The following TSPAN14 variants were observed in gnomAD, a reference collection of about 807,000 sequenced individuals.
TSPAN14 encodes tetraspanin-14.
A neutral mutation model predicts 36.6 loss-of-function variants in TSPAN14; 16 were observed. The ratio of observed to expected loss-of-function variants is 0.44; its 90% CI spans 0.30 to 0.66. The LOEUF is 0.66. TSPAN14 is among the 30% of genes least tolerant of loss of function. The probability of loss-of-function intolerance (pLI) is 0.12; values close to 1 mark genes in which losing one functional copy is unlikely to be tolerated. For synonymous variants in TSPAN14, 139 were observed against 143.8 expected (o/e 0.97, Z 0.24); for missense variants, 231 against 355.1 (o/e 0.65, Z 2.81).
intron 5 of TSPAN14, among the ~76,000 whole-genome samples, chr10:80,511,354 G>A (rs1023484988): frequency 6.6e-6 from 1 of 152,182 alleles, no homozygotes; most frequent in African/African-American, 2.4e-5. Context: ...GTAAAGGGGT[G>A]AAAAGGGGAA....
At chr10:80,521,039 C>T in exon 9 of TSPAN14, 1 of 327,558 alleles carries the variant, frequency 3.1e-6, no homozygotes, top group South Asian at 2.5e-5. Context: ...CTGGGTTTCC[C>T]CATGAATAAC....
chr10:80,519,321 GCT>G (rs751020754), exon 9 of TSPAN14: 6 of 152,700 alleles, frequency 3.9e-5, no homozygotes, highest in Admixed American at 2.6e-4. Context: ...TTCTGGGGCT[GCT>G]CTTGGAAATG....
At chr10:80,488,121 C>T (rs1304201996) in intron 1 of TSPAN14, among the ~76,000 whole-genome samples, 1 of 152,158 alleles carries the variant, frequency 6.6e-6, no homozygotes, top group Non-Finnish European at 1.5e-5. Context: ...TTACTCTCCT[C>T]ACCTGGGAAG....
chr10:80,508,319 C>T (rs897307749), intron 4 of TSPAN14, among the ~76,000 whole-genome samples: 29 of 152,054 alleles, frequency 1.9e-4, no homozygotes, highest in African/African-American at 6.5e-4. Flanking sequence ...GGGGTTTCAC[C>T]GTGTTAGCCA....
chr10:80,480,673 C>T lies in TSPAN14; in HGVS notation c.-17-8544C>T, dbSNP rs185753398. On this transcript the variant is annotated intron_variant, in intron 1 of 8. Coordinates refer to ENST00000429989, the Ensembl canonical transcript of TSPAN14. ...GAAATCATCATTCTCAGTAAACTGT[C>T]GCAAGAACAAAAAACCAAACACCGT... Among the ~76,000 whole-genome samples, 820 of 152,056 alleles carry T rather than the reference C, an allele frequency of 5.4e-3. 9 individuals are homozygous for T. The highest frequency in any genetic ancestry group is 0.019 in the African/African-American group (770 of 41,444).
chr10:80,520,779 A>G (rs761131709), exon 9 of TSPAN14: 1 of 533,454 alleles, frequency 1.9e-6, no homozygotes, highest in South Asian at 1.4e-5. Flanking sequence ...ACGTAGCTGA[A>G]AGCTGCTTAT....
At position 80,516,200 on chromosome 10, in the gene TSPAN14, G is replaced by A. The variant is rs1840929732; in HGVS notation, c.622-4G>A. On this transcript the variant is annotated splice_region_variant and splice_polypyrimidine_tract_variant and intron_variant, in intron 7 of 8. Coordinates refer to ENST00000429989, the Ensembl canonical transcript of TSPAN14. ...GCTCAGACCCCTGTGGTGTTTTCCT[G>A]CAGCTGAAGAGCAAGTGGGATGAGT... The A allele has an allele frequency of 1.9e-6, 3 of 1,614,108 alleles. No homozygotes were observed. The highest frequency in any genetic ancestry group is 1.3e-5 in the African/African-American group (1 of 74,948).
intron 1 of TSPAN14, among the ~76,000 whole-genome samples, chr10:80,464,635 C>T (rs2131959273): frequency 6.6e-6 from 1 of 152,356 alleles, no homozygotes; most frequent in South Asian, 2.1e-4. Context: ...ACTCAGAGAA[C>T]TTCTCACCAT....
intron 2 of TSPAN14, among the ~76,000 whole-genome samples, chr10:80,492,916 A>C (rs1848000361): frequency 6.6e-6 from 1 of 152,180 alleles, no homozygotes; most frequent in Non-Finnish European, 1.5e-5. Context: ...CTTTGGGGCC[A>C]AGGTTTTCCC....
intron 3 of TSPAN14, among the ~76,000 whole-genome samples, chr10:80,506,875 C>G (rs1840333082): frequency 6.6e-6 from 1 of 152,232 alleles, no homozygotes; most frequent in Admixed American, 6.5e-5. Flanking sequence ...GGGGGACTAA[C>G]AAGGTCAGCC....
intron 6 of TSPAN14, 132 bp downstream of exon 6, chr10:80,512,401 C>A: frequency 7.7e-7 from 1 of 1,294,814 alleles, no homozygotes; most frequent in Non-Finnish European, 1.0e-6. Flanking sequence ...TCTCCACACC[C>A]TCCTCAAGGC....
At chr10:80,502,502 T>C (rs1848576130) in intron 2 of TSPAN14, among the ~76,000 whole-genome samples, 1 of 151,978 alleles carries the variant, frequency 6.6e-6, no homozygotes. Context: ...GAATGCACTG[T>C]GTATTTGGAG....
At chr10:80,459,817 G>A (rs1370813481) in intron 1 of TSPAN14, among the ~76,000 whole-genome samples, 1 of 152,186 alleles carries the variant, frequency 6.6e-6, no homozygotes, top group East Asian at 1.9e-4. Context: ...TGATCCTGGG[G>A]ATGCTATGGG....
At chr10:80,518,073 C>T in exon 9 of TSPAN14, 2 of 1,265,162 alleles carry the variant, frequency 1.6e-6, no homozygotes, top group Admixed American at 4.1e-5. Flanking sequence ...GCCGACACCC[C>T]CAGAGCCAGT....
Position 80,509,128 on chromosome 10 carries a change from G to C in TSPAN14, c.280-173G>C, listed in dbSNP as rs534011057. ...CTTTTTACAGATGAAGCGAAGTTGT[G>C]CAGAGTCACCCAGCTAACTCTAAGT... On this transcript the variant is annotated intron_variant, in intron 4 of 8. Coordinates refer to ENST00000429989, the Ensembl canonical transcript of TSPAN14. The surrounding 1 kb of genome is among the most constrained non-coding windows in gnomAD (Gnocchi z 4.7). 3.9e-5 allele frequency among the ~76,000 whole-genome samples: 6 copies of C among 152,314 alleles called. No individual in the cohort carries two copies. The East Asian group carries it at 1.2e-3, about 29-fold the overall frequency.
At chr10:80,484,621 G>T (rs569672218) in intron 1 of TSPAN14, among the ~76,000 whole-genome samples, 3 of 152,196 alleles carry the variant, frequency 2.0e-5, no homozygotes, top group Non-Finnish European at 4.4e-5. Context: ...TGTACAACGG[G>T]GGTCTTTTTG....
chr10:80,519,801 AT>A (rs534218999), exon 9 of TSPAN14: 301 of 142,810 alleles, frequency 2.1e-3, no homozygotes, highest in Middle Eastern at 3.5e-3. Context: ...TCATTGAGTA[AT>A]TTTTTTTTTT....
At chr10:80,473,502 A>G (rs1279226552) in intron 1 of TSPAN14, among the ~76,000 whole-genome samples, 1 of 152,124 alleles carries the variant, frequency 6.6e-6, no homozygotes, top group African/African-American at 2.4e-5. Context: ...GCTGGCGGTC[A>G]GGGGCTTGAT....
chr10:80,517,581 C>T (rs527491944), intron 8 of TSPAN14, among the ~76,000 whole-genome samples: 2 of 152,356 alleles, frequency 1.3e-5, no homozygotes, highest in South Asian at 4.1e-4. Context: ...TGGTTTAACC[C>T]AGGGACAGGC....
Sources: gnomAD v4.1 joint callset for allele counts (sites outside exome capture counted in the v4.1 genomes callset) on GRCh38, gnomAD v4.1.1 for gene constraint, Gnocchi (gnomAD v3.1) non-coding constraint, MANE v1.5 for transcripts, NCBI Gene and HGNC (gene_info 2026-07-23, HGNC 2026-07-21) for gene names.